SCGB2B2: variants seen among roughly 807,000 people sequenced by gnomAD.
The protein encoded by SCGB2B2 is secretoglobin-like protein.
In SCGB2B2, 11 loss-of-function variants were observed where a neutral mutation model predicts 7.6. The ratio of observed to expected loss-of-function variants is 1.45; its 90% CI spans 0.91 to 2.40. SCGB2B2 has a LOEUF of 2.40. Among genes scored for constraint, SCGB2B2 ranks in the 30% most tolerant of loss-of-function variants. SCGB2B2 has a pLI of 0.00. For missense variants in SCGB2B2, 104 were observed against 115.4 expected, an observed-to-expected ratio of 0.90 and a Z score of 0.45; for synonymous variants, 50 against 48.6, an observed-to-expected ratio of 1.03 and a Z score of -0.12.
At chr19:34,615,686 G>T (rs1045497437) in intron 1 of SCGB2B2, among the ~76,000 whole-genome samples, 2 of 151,992 alleles carry the variant, frequency 1.3e-5, no homozygotes, top group Admixed American at 6.6e-5. Context: ...TGGTAATGGT[G>T]GCTTCATAAA....
chr19:34,629,349 A>G (rs2066465140), intron 1 of SCGB2B2, among the ~76,000 whole-genome samples: 1 of 152,050 alleles, frequency 6.6e-6, no homozygotes, highest in South Asian at 2.1e-4. Flanking sequence ...TGCAGATGAC[A>G]TGATTGTACA....
chr19:34,605,262 C>G (rs1600041541), intron 1 of SCGB2B2, among the ~76,000 whole-genome samples: 2 of 152,172 alleles, frequency 1.3e-5, no homozygotes, highest in African/African-American at 4.8e-5. Flanking sequence ...CAAACTCAAT[C>G]TTTTTGATGT....
At chr19:34,653,590 G>A (rs951810377) in intron 1 of SCGB2B2, among the ~76,000 whole-genome samples, 2 of 151,036 alleles carry the variant, frequency 1.3e-5, no homozygotes, top group African/African-American at 4.9e-5. Flanking sequence ...AGAAAACCAA[G>A]TTCAACACAC....
At chr19:34,658,462 A>G (rs2067344864) in intron 1 of SCGB2B2, among the ~76,000 whole-genome samples, 1 of 152,192 alleles carries the variant, frequency 6.6e-6, no homozygotes, top group Non-Finnish European at 1.5e-5. Context: ...ATCAGAGAAC[A>G]CTATAAACAC....
intron 1 of SCGB2B2, among the ~76,000 whole-genome samples, chr19:34,644,393 A>G (rs964824425): frequency 6.8e-6 from 1 of 147,020 alleles, no homozygotes; most frequent in African/African-American, 2.5e-5. Context: ...TAAAATATAC[A>G]TAGCATGAAG....
At chr19:34,626,217 G>T (rs2066372633) in intron 1 of SCGB2B2, among the ~76,000 whole-genome samples, 1 of 152,172 alleles carries the variant, frequency 6.6e-6, no homozygotes, top group Non-Finnish European at 1.5e-5. Flanking sequence ...TCCTCCAAAG[G>T]AATGAAGCTC....
intron 1 of SCGB2B2, among the ~76,000 whole-genome samples, chr19:34,615,056 G>A (rs2066033535): frequency 6.6e-6 from 1 of 152,170 alleles, no homozygotes; most frequent in Non-Finnish European, 1.5e-5. Flanking sequence ...GGGATGTTAG[G>A]CCACTGGGCT....
At chr19:34,652,537 G>A (rs1415994318) in intron 1 of SCGB2B2, among the ~76,000 whole-genome samples, 1 of 151,210 alleles carries the variant, frequency 6.6e-6, no homozygotes, top group Non-Finnish European at 1.5e-5. Flanking sequence ...ATGGCCAACA[G>A]GTATTTTTAG....
chr19:34,664,757 C>T (rs986228031), intron 1 of SCGB2B2, among the ~76,000 whole-genome samples: 9 of 152,192 alleles, frequency 5.9e-5, no homozygotes, highest in African/African-American at 2.2e-4. Flanking sequence ...ATCCCTGCTG[C>T]CTCCCTTTCC....
chr19:34,644,975 T>C (rs914752441), intron 1 of SCGB2B2, among the ~76,000 whole-genome samples: 1 of 152,242 alleles, frequency 6.6e-6, no homozygotes, highest in Non-Finnish European at 1.5e-5. Flanking sequence ...GTTTCACAGA[T>C]GAGCAAGCTG....
chr19:34,604,321 C>T lies in SCGB2B2; in HGVS notation c.-2031-7727G>A, dbSNP rs1376178586. ...TGCAGTTAGTCTTTCCTTCCCACAT[C>T]CCTGTGGTCACTATGAGATTACCTT... On this transcript the variant is annotated intron_variant, in intron 1 of 3. Transcript: ENST00000601241. 3.3e-5 allele frequency among the ~76,000 whole-genome samples: 5 copies of T among 152,184 alleles called. No individual in the cohort carries two copies. The South Asian group carries it at 8.3e-4, about 25-fold the overall frequency.
At chr19:34,633,670 A>AATCTGC (rs2066597313) in intron 1 of SCGB2B2, among the ~76,000 whole-genome samples, 1 of 152,014 alleles carries the variant, frequency 6.6e-6, no homozygotes, top group Non-Finnish European at 1.5e-5. Flanking sequence ...GCAGGTGATG[A>AATCTGC]ATCTGCTCAT....
Position 34,628,887 on chromosome 19 carries a change from C to T in SCGB2B2, c.-2031-32293G>A, listed in dbSNP as rs180828996. Reference sequence around the variant, plus strand: ...AGTTCTCAATAAAATACTGGCAAACCGAATCCAGCAGCACATCAAAAAGCT... The same window carrying T: ...AGTTCTCAATAAAATACTGGCAAACTGAATCCAGCAGCACATCAAAAAGCT... On this transcript the variant is annotated intron_variant, in intron 1 of 3. Transcript: ENST00000601241. 1.1e-4 allele frequency among the ~76,000 whole-genome samples: 16 copies of T among 151,922 alleles called. No homozygotes were observed. In the East Asian group the frequency reaches 2.5e-3, roughly 24 times the overall value.
chr19:34,586,897 T>TTTGTTG (rs370786119), downstream of SCGB2B2, among the ~76,000 whole-genome samples: 6 of 152,076 alleles, frequency 3.9e-5, no homozygotes, highest in South Asian at 1.0e-3. Context: ...AATATGTAGC[T>TTTGTTG]TTGTTGTTGT....
intron 1 of SCGB2B2, among the ~76,000 whole-genome samples, chr19:34,667,222 G>T (rs1038670668): frequency 4.6e-5 from 7 of 152,076 alleles, no homozygotes; most frequent in African/African-American, 1.7e-4. Context: ...AGACCTCAGG[G>T]CGCTGGGTCT....
chr19:34,605,274 G>T (rs1415461190), intron 1 of SCGB2B2, among the ~76,000 whole-genome samples: 1 of 152,162 alleles, frequency 6.6e-6, no homozygotes, highest in Admixed American at 6.5e-5. Flanking sequence ...TTTTGATGTG[G>T]ATTTCCATGA....
intron 1 of SCGB2B2, among the ~76,000 whole-genome samples, chr19:34,626,270 C>T (rs575921213): frequency 7.2e-4 from 109 of 152,188 alleles, no homozygotes; most frequent in Non-Finnish European, 6.2e-4. Flanking sequence ...GTGACTTTGA[C>T]GAGTTGAGAG....
chr19:34,603,814 A>G (rs540729875), intron 1 of SCGB2B2, among the ~76,000 whole-genome samples: 1 of 48,098 alleles, frequency 2.1e-5, no homozygotes, highest in Non-Finnish European at 5.9e-5. Context: ...TTTTTTTTTA[A>G]CAGATAACGT....
At chr19:34,618,564 T>C (rs953210929) in intron 1 of SCGB2B2, among the ~76,000 whole-genome samples, 4 of 152,278 alleles carry the variant, frequency 2.6e-5, no homozygotes, top group African/African-American at 7.2e-5. Context: ...TTAGTTTTTT[T>C]CCCCCATTAC....
Sources: gnomAD v4.1 joint callset for allele counts (sites outside exome capture counted in the v4.1 genomes callset) on GRCh38, gnomAD v4.1.1 for gene constraint, MANE v1.5 for transcripts, NCBI Gene and HGNC (gene_info 2026-07-23, HGNC 2026-07-21) for gene names.